Variants in ARHGEF7 observed in about 807,000 individuals in gnomAD.
The protein encoded by ARHGEF7 is Rho guanine nucleotide exchange factor 7.
In ARHGEF7, 33 loss-of-function variants were observed where a neutral mutation model predicts 109.8. The ratio of observed to expected loss-of-function variants is 0.30; its 90% CI spans 0.23 to 0.40. ARHGEF7 has a LOEUF of 0.40. Ranked by LOEUF, ARHGEF7 falls within the 10% of genes least tolerant of loss-of-function variation. The probability of loss-of-function intolerance (pLI) is 1.00; values close to 1 mark genes in which losing one functional copy is unlikely to be tolerated. For synonymous variants in ARHGEF7, 458 were observed against 424.6 expected (o/e 1.08, Z -0.97); for missense variants, 938 against 1,098.5 (o/e 0.85, Z 2.07).
At chr13:111,120,262 AT>A (rs1289273505) in intron 1 of ARHGEF7, among the ~76,000 whole-genome samples, 2 of 152,248 alleles carry the variant, frequency 1.3e-5, no homozygotes, top group African/African-American at 4.8e-5. Context: ...CTGAAATTCA[AT>A]TTAAATCAGG....
At chr13:111,132,546 T>G (rs1040019475) in intron 1 of ARHGEF7, among the ~76,000 whole-genome samples, 1 of 152,176 alleles carries the variant, frequency 6.6e-6, no homozygotes, top group African/African-American at 2.4e-5. Flanking sequence ...TTGAGGACTA[T>G]TGTTGTGAGA....
chr13:111,122,382 C>T (rs537520570), intron 1 of ARHGEF7, among the ~76,000 whole-genome samples: 7 of 152,354 alleles, frequency 4.6e-5, no homozygotes, highest in East Asian at 3.9e-4. Flanking sequence ...GACTGCTTCC[C>T]GGGTACAGCT....
At chr13:111,152,800 CAAAAT>C (rs1452659671) in intron 1 of ARHGEF7, among the ~76,000 whole-genome samples, 6 of 152,202 alleles carry the variant, frequency 3.9e-5, no homozygotes, top group East Asian at 1.9e-4. Context: ...GAGCAAAAAA[CAAAAT>C]AAAGTTTTTC....
At chr13:111,212,133 C>G (rs527488440) in intron 4 of ARHGEF7, among the ~76,000 whole-genome samples, 77 of 152,264 alleles carry the variant, frequency 5.1e-4, no homozygotes, top group Middle Eastern at 3.4e-3. Context: ...ACCGTCAGCC[C>G]CCTGCCTCGG....
chr13:111,223,436 A>G (rs1052137042), intron 5 of ARHGEF7, among the ~76,000 whole-genome samples: 1 of 152,228 alleles, frequency 6.6e-6, no homozygotes, highest in African/African-American at 2.4e-5. Flanking sequence ...TGATGTACAA[A>G]TAGTTTTACT....
intron 3 of ARHGEF7, among the ~76,000 whole-genome samples, chr13:111,208,165 C>G (rs372705180): frequency 5.9e-5 from 9 of 152,188 alleles, no homozygotes; most frequent in Non-Finnish European, 1.2e-4. Flanking sequence ...CTCGGCCTCC[C>G]GAGTAGCTGG....
At chr13:111,156,344 A>T (rs935815030) in intron 2 of ARHGEF7, among the ~76,000 whole-genome samples, 1 of 152,218 alleles carries the variant, frequency 6.6e-6, no homozygotes, top group Non-Finnish European at 1.5e-5. Flanking sequence ...ATTTTAAAGT[A>T]AAAAATTAGT....
chr13:111,136,858 A>G (rs988630728), intron 1 of ARHGEF7, among the ~76,000 whole-genome samples: 2 of 152,220 alleles, frequency 1.3e-5, no homozygotes, highest in African/African-American at 4.8e-5. Flanking sequence ...CAAGACTAAT[A>G]AAGAAGAAAA....
At chr13:111,254,464 C>T (rs1033645562) in intron 8 of ARHGEF7, among the ~76,000 whole-genome samples, 5 of 142,354 alleles carry the variant, frequency 3.5e-5, no homozygotes, top group Non-Finnish European at 6.1e-5. Flanking sequence ...GGCGCTGAGT[C>T]GCTAACATGA....
chr13:111,180,849 G>C (rs867481286), intron 2 of ARHGEF7, among the ~76,000 whole-genome samples: 2 of 152,152 alleles, frequency 1.3e-5, no homozygotes, highest in South Asian at 2.1e-4. Flanking sequence ...TTTTTAATAC[G>C]TGTGTTTATA....
intron 13 of ARHGEF7, among the ~76,000 whole-genome samples, chr13:111,278,420 C>G (rs1453465887): frequency 2.6e-5 from 4 of 152,150 alleles, no homozygotes; most frequent in African/African-American, 9.7e-5. Context: ...ACTTCGTGTT[C>G]TCTGGGTTGC....
intron 1 of ARHGEF7, among the ~76,000 whole-genome samples, chr13:111,117,793 C>T (rs2066901709): frequency 6.6e-6 from 1 of 152,066 alleles, no homozygotes; most frequent in Admixed American, 6.6e-5. Flanking sequence ...AACTCCGGGC[C>T]TCAAGGGATT....
At chr13:111,147,343 C>T (rs1227250595) in intron 1 of ARHGEF7, among the ~76,000 whole-genome samples, 2 of 152,190 alleles carry the variant, frequency 1.3e-5, no homozygotes, top group Non-Finnish European at 2.9e-5. Flanking sequence ...ACATCCTTGC[C>T]AACACTTGAT....
chr13:111,190,748 C>T (rs1428784049), intron 2 of ARHGEF7, among the ~76,000 whole-genome samples: 1 of 152,150 alleles, frequency 6.6e-6, no homozygotes, highest in East Asian at 1.9e-4. Flanking sequence ...GACTAAGGTG[C>T]AGGTGCCTGT....
At chr13:111,141,497 C>A (rs1466177273) in intron 1 of ARHGEF7, among the ~76,000 whole-genome samples, 1 of 152,156 alleles carries the variant, frequency 6.6e-6, no homozygotes. Context: ...CCTTCAGGAA[C>A]CTCTACGTAT....
intron 1 of ARHGEF7, among the ~76,000 whole-genome samples, chr13:111,152,249 G>C (rs557300604): frequency 2.0e-5 from 3 of 152,254 alleles, no homozygotes; most frequent in South Asian, 4.1e-4. Flanking sequence ...ATTACACTTA[G>C]ATTCTATTGG....
At chr13:111,240,047 C>T (rs11619224) in intron 6 of ARHGEF7, among the ~76,000 whole-genome samples, 46,327 of 151,982 alleles carry the variant, frequency 0.3, 8,006 homozygotes, top group Non-Finnish European at 0.39. Flanking sequence ...ATTATAACCT[C>T]GTAAAACCCC....
chr13:111,157,837 A>G (rs1228121784), intron 2 of ARHGEF7, among the ~76,000 whole-genome samples: 1 of 152,192 alleles, frequency 6.6e-6, no homozygotes, highest in Non-Finnish European at 1.5e-5. Flanking sequence ...GTCACAATGA[A>G]TTAGCTTCCA....
At chr13:111,259,024 T>C (rs2090781899) in intron 8 of ARHGEF7, among the ~76,000 whole-genome samples, 1 of 152,186 alleles carries the variant, frequency 6.6e-6, no homozygotes, top group Non-Finnish European at 1.5e-5. Context: ...GAAGGACTTT[T>C]TCATGTGGCT....
Sources: allele counts gnomAD v4.1 joint callset (sites outside exome capture counted in the v4.1 genomes callset), GRCh38; gene constraint gnomAD v4.1.1; transcripts MANE v1.5; gene names NCBI Gene and HGNC (gene_info 2026-07-23, HGNC 2026-07-21).